The following DHX9 variants were observed in gnomAD, a reference collection of about 807,000 sequenced individuals.
DHX9 encodes the protein ATP-dependent RNA helicase A.
Under a neutral mutation model 148.7 loss-of-function variants are expected in DHX9, and 27 were observed. That is an observed-to-expected ratio of 0.18 (90% CI 0.13 to 0.25). The LOEUF is 0.25. Ranked by LOEUF, DHX9 falls within the 10% of genes least tolerant of loss-of-function variation. The pLI, the probability that DHX9 is intolerant of heterozygous loss-of-function variation, is 1.00. For synonymous variants in DHX9, 529 were observed against 516.6 expected (o/e 1.02, Z -0.33); for missense variants, 796 against 1,559.6 (o/e 0.51, Z 8.25).
Position 182,860,053 on chromosome 1 carries a change from A to G in DHX9, c.1201A>G (p.Ile401Val). Reference sequence around the variant, plus strand: ...ATTTGAAAGTGAGATTCTGGAAGCAATCAGCCAAAATTCAGTTGTCATTAT... The same window carrying G: ...ATTTGAAAGTGAGATTCTGGAAGCAGTCAGCCAAAATTCAGTTGTCATTAT... Reference protein sequence around the residue: ...KKFESEILEAISQNSVVIIRG... With the variant: ...KKFESEILEAVSQNSVVIIRG... Residue 401 changes from isoleucine (I) to valine (V), a missense_variant, in exon 12 of 28, where the codon ATC (isoleucine) becomes GTC (valine). Physicochemically the swap from Ile to Val is conservative, Grantham distance 29. Coordinates refer to ENST00000367549, the MANE Select transcript of DHX9 (RefSeq NM_001357.5). The G allele has an allele frequency of 6.2e-7, 1 of 1,614,028 alleles. No individual in the cohort carries two copies. The highest frequency in any genetic ancestry group is 8.5e-7 in the Non-Finnish European group (1 of 1,179,968).
At chr1:182,848,611 GA>G (rs903867332) in intron 3 of DHX9, among the ~76,000 whole-genome samples, 7 of 151,136 alleles carry the variant, frequency 4.6e-5, no homozygotes, top group Admixed American at 1.3e-4. Context: ...GATGAATTTG[GA>G]AAAAAAAATT....
chr1:182,886,714 AT>A (rs1292722191), intron 27 of DHX9, among the ~76,000 whole-genome samples: 1 of 152,216 alleles, frequency 6.6e-6, no homozygotes, highest in African/African-American at 2.4e-5. Flanking sequence ...ATATTTCAGA[AT>A]TATTGCAGGA....
chr1:182,840,043 A>C (rs985807457), intron 1 of DHX9: 1 of 152,372 alleles, frequency 6.6e-6, no homozygotes, highest in African/African-American at 2.4e-5. Flanking sequence ...TAAGGGCAGA[A>C]ACTGGGCGGG....
At chr1:182,851,535 A>G (rs879095520) in intron 3 of DHX9, among the ~76,000 whole-genome samples, 1 of 152,252 alleles carries the variant, frequency 6.6e-6, no homozygotes, top group East Asian at 1.9e-4. Context: ...TGAATTAGAA[A>G]GTAAAAATAA....
At chr1:182,860,249 A>G (rs1668335983) in intron 12 of DHX9, 65 bp downstream of exon 12, 2 of 1,303,020 alleles carry the variant, frequency 1.5e-6, no homozygotes, top group Non-Finnish European at 2.1e-6. Context: ...TCTTTGATTA[A>G]CTAATTTTTG....
At chr1:182,883,988 G>A (rs1053314975) in intron 26 of DHX9, among the ~76,000 whole-genome samples, 1 of 152,196 alleles carries the variant, frequency 6.6e-6, no homozygotes, top group Non-Finnish European at 1.5e-5. Flanking sequence ...GAAAATGCCA[G>A]TATTCTGGGT....
chr1:182,885,033 C>T (rs1176274785), intron 27 of DHX9, among the ~76,000 whole-genome samples: 1 of 152,144 alleles, frequency 6.6e-6, no homozygotes, highest in East Asian at 1.9e-4. Context: ...TGCATCAGTG[C>T]ATGTTGGTAG....
At chr1:182,857,502 A>G (rs1194748043) in intron 7 of DHX9, among the ~76,000 whole-genome samples, 3 of 152,214 alleles carry the variant, frequency 2.0e-5, no homozygotes, top group Non-Finnish European at 2.9e-5. Context: ...CTCACATTTT[A>G]GACTTTACAG....
Position 182,878,125 on chromosome 1 carries a change from T to G in DHX9, c.2303T>G (p.Val768Gly). 3 of 1,614,210 alleles carry G rather than the reference T, an allele frequency of 1.9e-6. No individual in the cohort carries two copies. The highest frequency in any genetic ancestry group is 2.5e-6 in the Non-Finnish European group (3 of 1,180,040). ...CAACGGAAAGGGCGAGCTGGCCGAG[T>G]ACGGCCTGGATTCTGCTTTCACCTG... is the stretch of plus-strand genomic sequence containing the variant. ...LEQRKGRAGR[V>G]RPGFCFHLCS... The change falls in exon 20 of 28, where the codon GTA becomes GGA. Residue 768 changes from valine to glycine, a missense_variant. Transcript: ENST00000367549.
chr1:182,870,684 AAG>A (rs750994655), intron 14 of DHX9, among the ~76,000 whole-genome samples: 13 of 152,266 alleles, frequency 8.5e-5, no homozygotes, highest in Non-Finnish European at 1.3e-4. Flanking sequence ...TGACACATGA[AAG>A]AGTTTTTCAT....
intron 14 of DHX9, among the ~76,000 whole-genome samples, chr1:182,870,912 C>T (rs1184062976): frequency 1.3e-5 from 2 of 152,106 alleles, no homozygotes; most frequent in East Asian, 1.9e-4. Flanking sequence ...CATTATTTTT[C>T]TTATGGTGTG....
intron 3 of DHX9, among the ~76,000 whole-genome samples, chr1:182,849,143 T>C (rs1385067162): frequency 6.6e-6 from 1 of 152,242 alleles, no homozygotes; most frequent in Admixed American, 6.5e-5. Flanking sequence ...ACTTATTTCA[T>C]CTGGAACTTA....
chr1:182,865,531 G>A (rs1376474247), intron 12 of DHX9, among the ~76,000 whole-genome samples: 3 of 152,182 alleles, frequency 2.0e-5, no homozygotes, highest in Non-Finnish European at 4.4e-5. Context: ...GGATTGTTTA[G>A]TAAAAAGAAG....
At chr1:182,879,521 G>A in intron 21 of DHX9, 111 bp downstream of exon 21, 1 of 1,071,312 alleles carries the variant, frequency 9.3e-7, no homozygotes, top group Non-Finnish European at 1.2e-6. Flanking sequence ...AGTCAACAGG[G>A]CTGTGATAAT....
Position 182,856,673 on chromosome 1 carries a change from A to G in DHX9, c.673+95A>G, listed in dbSNP as rs559553797. 4.7e-6 allele frequency: 5 copies of G among 1,053,920 alleles called. No homozygotes were observed. The South Asian group carries it at 5.4e-5, about 11-fold the overall frequency. The allele number at this position is 1,053,920 out of a possible 1,614,324, so 65.3% of individuals were successfully genotyped here. On this transcript the variant is annotated intron_variant, in intron 7 of 27. Coordinates refer to ENST00000367549, the MANE Select transcript of DHX9 (RefSeq NM_001357.5). ...GAGTCACGTATACAGAAGCTGTATTATTTGAAAGAGCACATAATGTAAGAT... is the reference window on the plus strand; with the variant it reads ...GAGTCACGTATACAGAAGCTGTATTGTTTGAAAGAGCACATAATGTAAGAT...
chr1:182,881,249 C>CT lies in DHX9; in HGVS notation c.2625-12dup. ...TGTGATCTAGTCTGGATTTAACTGTCTTTGTGTATTTCAGCGTGGGAGATG... is the reference window on the plus strand; with the variant it reads ...TGTGATCTAGTCTGGATTTAACTGTCTTTTGTGTATTTCAGCGTGGGAGATG... On this transcript the variant is annotated splice_polypyrimidine_tract_variant and intron_variant, in intron 22 of 27. Coordinates refer to ENST00000367549, the MANE Select transcript of DHX9 (RefSeq NM_001357.5). The CT allele has an allele frequency of 6.2e-7, 1 of 1,609,554 alleles. No individual in the cohort carries two copies. The highest frequency in any genetic ancestry group is 1.1e-5 in the South Asian group (1 of 90,270).
At chr1:182,852,869 T>G (rs891700972) in intron 4 of DHX9, among the ~76,000 whole-genome samples, 5 of 147,716 alleles carry the variant, frequency 3.4e-5, no homozygotes, top group Non-Finnish European at 7.4e-5. Context: ...AGATTAGGAT[T>G]TGGGTCATAT....
At chr1:182,879,728 C>A (rs1408109812) in intron 21 of DHX9, among the ~76,000 whole-genome samples, 2 of 151,986 alleles carry the variant, frequency 1.3e-5, no homozygotes, top group Non-Finnish European at 2.9e-5. Flanking sequence ...TCTCTTACAA[C>A]TTTTTTTGTT....
At chr1:182,867,079 T>C in intron 14 of DHX9, 36 bp downstream of exon 14, 1 of 1,294,986 alleles carries the variant, frequency 7.7e-7, no homozygotes, top group Non-Finnish European at 1.1e-6. Flanking sequence ...GGTACTTAAT[T>C]CTGCTATTTC....
Sources: gnomAD v4.1 joint callset for allele counts (sites outside exome capture counted in the v4.1 genomes callset) on GRCh38, gnomAD v4.1.1 for gene constraint, MANE v1.5 for transcripts, NCBI Gene and HGNC (gene_info 2026-07-23, HGNC 2026-07-21) for gene names.